The following ARHGEF4 variants were observed in gnomAD, a reference collection of about 807,000 sequenced individuals.
The protein encoded by ARHGEF4 is APC-stimulated guanine nucleotide exchange factor 1.
In ARHGEF4, 119 loss-of-function variants were observed where a neutral mutation model predicts 162.0. That is an observed-to-expected ratio of 0.73 (90% confidence interval 0.63 to 0.86). The LOEUF (loss-of-function observed/expected upper bound fraction) is 0.86, where lower values mean the gene tolerates loss of function less well. ARHGEF4 is among the 40% of genes least tolerant of loss of function. ARHGEF4 has a pLI of 0.00. For synonymous variants in ARHGEF4, 1,014 were observed against 979.9 expected (o/e 1.03, Z -0.65); for missense variants, 2,488 against 2,456.0 (o/e 1.01, Z -0.28).
chr2:130,978,751 CA>C (rs879858758), intron 4 of ARHGEF4, among the ~76,000 whole-genome samples: 1,402 of 122,758 alleles, frequency 0.011, 13 homozygotes, highest in African/African-American at 0.031. Context: ...TAAATAGCTC[CA>C]AAAAAAAAAA....
In ARHGEF4 at chr2:130,916,530, C is replaced by A; in HGVS notation, c.2584C>A (p.Gln862Lys). 2 of 1,549,808 alleles carry A rather than the reference C, an allele frequency of 1.3e-6. No homozygotes were observed. The highest frequency in any genetic ancestry group is 1.7e-6 in the Non-Finnish European group (2 of 1,146,882). The change falls in exon 2 of 14, where the codon CAG becomes AAG. Residue 862 changes from glutamine to lysine, a missense_variant. Gln to Lys is a moderately conservative substitution (Grantham distance 53, BLOSUM62 1). Around this residue, in one of 6 missense-constraint regions of ARHGEF4, gnomAD observed 1,642 missense variants for 1,481.5 expected, o/e 1.11. Transcript: ENST00000409359. ...DASAWPEFVP[Q>K]AAGDRTAGPA... ...CAGCGCCTGGCCCGAGTTTGTCCCGCAGGCTGCAGGCGACAGGACTGCAGG... is the reference window on the plus strand; with the variant it reads ...CAGCGCCTGGCCCGAGTTTGTCCCGAAGGCTGCAGGCGACAGGACTGCAGG...
intron 4 of ARHGEF4, among the ~76,000 whole-genome samples, chr2:130,995,207 C>T (rs1687297929): frequency 6.6e-6 from 1 of 152,212 alleles, no homozygotes; most frequent in South Asian, 2.1e-4. Context: ...TCGCCTTCTC[C>T]TCTGTGCTTG....
intron 4 of ARHGEF4, among the ~76,000 whole-genome samples, chr2:130,957,565 A>G (rs549244767): frequency 2.2e-4 from 33 of 152,306 alleles, no homozygotes; most frequent in African/African-American, 7.7e-4. Context: ...AACTGCAAAT[A>G]TACTAAAATT....
At chr2:130,893,886 G>A (rs149079631) in intron 1 of ARHGEF4, among the ~76,000 whole-genome samples, 6 of 152,354 alleles carry the variant, frequency 3.9e-5, no homozygotes, top group Non-Finnish European at 7.3e-5. Context: ...GGCTGGTCTT[G>A]TGCCTGGGAA....
intron 1 of ARHGEF4, among the ~76,000 whole-genome samples, chr2:130,886,288 GTT>G (rs34910463): frequency 6.7e-6 from 1 of 149,586 alleles, no homozygotes; most frequent in African/African-American, 2.5e-5. Flanking sequence ...TCTCATTGCT[GTT>G]TTTTTTTGCC....
chr2:131,001,324 A>AAC (rs1687751224), intron 4 of ARHGEF4, among the ~76,000 whole-genome samples: 1 of 151,496 alleles, frequency 6.6e-6, no homozygotes, highest in Non-Finnish European at 1.5e-5. Context: ...AAAAAAAAAA[A>AAC]AAAACAGAAA....
intron 11 of ARHGEF4, 58 bp downstream of exon 11, chr2:131,043,641 G>A: frequency 6.2e-7 from 1 of 1,610,050 alleles, no homozygotes; most frequent in African/African-American, 1.3e-5. Context: ...GAGGGGAGCT[G>A]AGGGCTGGGA....
intron 1 of ARHGEF4, among the ~76,000 whole-genome samples, chr2:130,901,219 T>G (rs1169088447): frequency 6.6e-6 from 1 of 152,150 alleles, no homozygotes; most frequent in African/African-American, 2.4e-5. Flanking sequence ...CAGGCTGATT[T>G]CTGCTGCTGG....
chr2:130,998,067 A>T (rs1687519974), intron 4 of ARHGEF4, among the ~76,000 whole-genome samples: 1 of 152,160 alleles, frequency 6.6e-6, no homozygotes, highest in South Asian at 2.1e-4. Context: ...GACCTCAGAG[A>T]CCCCTTCTTT....
intron 5 of ARHGEF4, chr2:131,034,892 C>G (rs1005041556): frequency 3.7e-6 from 3 of 809,442 alleles, no homozygotes; most frequent in South Asian, 1.1e-4. Flanking sequence ...CGCCGCCGCC[C>G]CCGCCCGCAC....
rs1347149903 is a variant in ARHGEF4, at chr2:130,916,614, T to C, written c.2668T>C (p.Ser890Pro). ...GGATCTTGGTAGCCGAGGGCCTTCC[T>C]CTGAGAGCTGCAACGCAAAGAGACT... ...SGDLGSRGPS[S>P]ESCNAKRLKT... The change falls in exon 2 of 14, where the codon TCT (serine) becomes CCT (proline). Residue 890 changes from serine (S) to proline (P), a missense_variant. Around this residue, in one of 6 missense-constraint regions of ARHGEF4, gnomAD observed 1,642 missense variants for 1,481.5 expected, o/e 1.11. Transcript: ENST00000409359. The C allele has an allele frequency of 2.6e-6, 4 of 1,550,424 alleles. No homozygotes were observed. The highest frequency in any genetic ancestry group is 3.5e-6 in the Non-Finnish European group (4 of 1,146,968).
intron 4 of ARHGEF4, among the ~76,000 whole-genome samples, chr2:130,957,646 C>T (rs1309569156): frequency 2.0e-5 from 3 of 152,116 alleles, no homozygotes; most frequent in African/African-American, 4.8e-5. Context: ...TCCTATACCC[C>T]GATATGATGG....
chr2:130,956,295 G>A (rs1051815396), intron 4 of ARHGEF4, among the ~76,000 whole-genome samples: 1 of 152,226 alleles, frequency 6.6e-6, no homozygotes, highest in East Asian at 1.9e-4. Context: ...AGTTAGAATG[G>A]CAATCATTAA....
intron 4 of ARHGEF4, among the ~76,000 whole-genome samples, chr2:131,002,432 T>C (rs1204475531): frequency 6.7e-6 from 1 of 150,132 alleles, no homozygotes; most frequent in African/African-American, 2.5e-5. Flanking sequence ...AAAAATTAGC[T>C]GGGCGTAGTG....
At chr2:131,039,585 GCTC>G (rs1690600963) in intron 6 of ARHGEF4, 1 of 1,042,024 alleles carries the variant, frequency 9.6e-7, no homozygotes, top group African/African-American at 1.7e-5. Context: ...GTGTTCAGAT[GCTC>G]CTCCTGCCCC....
At chr2:130,882,412 G>C (rs569671417) in intron 1 of ARHGEF4, among the ~76,000 whole-genome samples, 1 of 152,180 alleles carries the variant, frequency 6.6e-6, no homozygotes, top group African/African-American at 2.4e-5. Context: ...CTCCCTTCCA[G>C]GTTGCAGAAG....
At chr2:130,837,225 G>C (rs1037140132) in intron 1 of ARHGEF4, among the ~76,000 whole-genome samples, 2 of 152,124 alleles carry the variant, frequency 1.3e-5, no homozygotes, top group Non-Finnish European at 2.9e-5. Context: ...CGTTGGGGGC[G>C]GTAGGGACGG....
At chr2:130,838,862 G>A (rs1324523654) in intron 1 of ARHGEF4, among the ~76,000 whole-genome samples, 1 of 152,192 alleles carries the variant, frequency 6.6e-6, no homozygotes, top group Non-Finnish European at 1.5e-5. Flanking sequence ...TGTGGCTGGA[G>A]GAGAGACCAC....
chr2:130,968,273 C>G (rs919037832), intron 4 of ARHGEF4, among the ~76,000 whole-genome samples: 1 of 152,152 alleles, frequency 6.6e-6, no homozygotes, highest in Non-Finnish European at 1.5e-5. Flanking sequence ...TTAAACATCC[C>G]CAAGCCTTAA....
Sources: gnomAD v4.1 joint callset for allele counts (sites outside exome capture counted in the v4.1 genomes callset) on GRCh38, gnomAD v4.1.1 for gene constraint, gnomAD v4.1.1 regional missense constraint, MANE v1.5 for transcripts, NCBI Gene and HGNC (gene_info 2026-07-23, HGNC 2026-07-21) for gene names.